The following STRN variants were observed in gnomAD, a reference collection of about 807,000 sequenced individuals.
STRN encodes the protein protein phosphatase 2 regulatory subunit B'''alpha.
A neutral mutation model predicts 96.3 loss-of-function variants in STRN; 53 were observed. The ratio of observed to expected loss-of-function variants is 0.55; its 90% CI spans 0.44 to 0.69. The LOEUF is 0.69. Ranked by LOEUF, STRN falls within the 30% of genes least tolerant of loss-of-function variation. The pLI is 0.00. For missense variants in STRN, 987 were observed against 963.9 expected, an observed-to-expected ratio of 1.02 and a Z score of -0.32; for synonymous variants, 428 against 355.9, an observed-to-expected ratio of 1.20 and a Z score of -2.28.
At chr2:36,871,685 T>C (rs953213395) in intron 10 of STRN, among the ~76,000 whole-genome samples, 23 of 152,236 alleles carry the variant, frequency 1.5e-4, no homozygotes, top group African/African-American at 5.3e-4. Flanking sequence ...GAAAATACTT[T>C]ATATGCATTA....
At chr2:36,860,008 A>G (rs1303959227) in intron 13 of STRN, among the ~76,000 whole-genome samples, 1 of 152,186 alleles carries the variant, frequency 6.6e-6, no homozygotes, top group Non-Finnish European at 1.5e-5. Flanking sequence ...ACAGATGATG[A>G]GGAAAAGAGA....
intron 8 of STRN, among the ~76,000 whole-genome samples, chr2:36,884,777 G>C (rs1354148750): frequency 6.6e-6 from 1 of 151,702 alleles, no homozygotes; most frequent in African/African-American, 2.4e-5. Context: ...ATCTCTACTA[G>C]ACCACATTGA....
Position 36,877,814 on chromosome 2 carries a change from C to A in STRN, c.1323+77G>T. ...GCCTCCCAAAGTGCTGGATTACAGGCGTGAGCCACCGCACCCAGCCCAAGT... is the reference window on the plus strand; with the variant it reads ...GCCTCCCAAAGTGCTGGATTACAGGAGTGAGCCACCGCACCCAGCCCAAGT... On this transcript the variant is annotated intron_variant, in intron 10 of 17. Coordinates refer to ENST00000263918, the MANE Select transcript of STRN (RefSeq NM_003162.4). The A allele has an allele frequency of 1.3e-5, 20 of 1,541,062 alleles. 1 individual carries two copies. The South Asian group carries it at 2.3e-4, about 18-fold the overall frequency.
Position 36,915,937 on chromosome 2 carries a change from A to G in STRN, c.412+141T>C, listed in dbSNP as rs1194428279. On this transcript the variant is annotated intron_variant, in intron 3 of 17. Transcript: ENST00000263918. ...TGGAAAATGATCTAAATGACACTAA[A>G]TGGTGCCAAAAGACAAGCAGGTCAG... is the stretch of plus-strand genomic sequence containing the variant. 1.0e-5 allele frequency: 7 copies of G among 692,294 alleles called. No individual in the cohort carries two copies. The East Asian group carries it at 1.6e-4, about 16-fold the overall frequency. The allele number at this position is 692,294 out of a possible 1,614,324, so 42.9% of individuals were successfully genotyped here.
chr2:36,846,187 A>T lies in STRN; in HGVS notation c.*3269T>A, dbSNP rs1162792989. 1 of 150,986 alleles carries T rather than the reference A, an allele frequency of 6.6e-6. No homozygotes were observed. The highest frequency in any genetic ancestry group is 1.5e-5 in the Non-Finnish European group (1 of 67,792). The allele number at this position is 150,986 out of a possible 1,614,324, so 9.4% of individuals were successfully genotyped here. A position where few individuals can be genotyped will look rare whatever the true frequency, so the allele number is the denominator to read the frequency against. ...AATAGCCAGGTTTTCTTACATTCAG[A>T]TTTTAATACACTAGAATGACAGTCT... On this transcript the variant is annotated 3_prime_UTR_variant, in exon 18 of 18. Transcript: ENST00000263918.
At chr2:36,923,988 C>A (rs1422972825) in intron 2 of STRN, among the ~76,000 whole-genome samples, 1 of 152,044 alleles carries the variant, frequency 6.6e-6, no homozygotes, top group African/African-American at 2.4e-5. Flanking sequence ...ATCTTAGACA[C>A]TAGCAAAATA....
chr2:36,849,429 G>T lies in STRN; in HGVS notation c.*27C>A, dbSNP rs1668163916. On this transcript the variant is annotated 3_prime_UTR_variant, in exon 18 of 18. Coordinates refer to ENST00000263918, the MANE Select transcript of STRN (RefSeq NM_003162.4). ...GTGTGCAGTTGATTACTTATAAACA[G>T]CTAGAAGGTGAAGATGATGCATTGC... The T allele has an allele frequency of 6.2e-7, 1 of 1,612,032 alleles. No homozygotes were observed. Among genetic ancestry groups the T allele is most frequent in the Admixed American group, 1.7e-5 (1 of 59,748 alleles).
At position 36,939,316 on chromosome 2, in the gene STRN, T is replaced by C. The variant is rs566824999; in HGVS notation, c.235-14108A>G. ...AGCCACTCAGGGATCTCCCGTTGCTTTTACAGACCAATTACCTGATACATC... is the reference window on the plus strand; with the variant it reads ...AGCCACTCAGGGATCTCCCGTTGCTCTTACAGACCAATTACCTGATACATC... On this transcript the variant is annotated intron_variant, in intron 1 of 17. Transcript: ENST00000263918. Among the ~76,000 whole-genome samples the C allele has an allele frequency of 4.6e-5, 7 of 152,228 alleles. No homozygotes were observed. In the South Asian group the frequency reaches 1.4e-3, roughly 32 times the overall value.
In STRN at chr2:36,884,015, G is replaced by A. The variant is rs1369105878; in HGVS notation, c.1103C>T (p.Pro368Leu). Residue 368 changes from proline (P) to leucine (L), a missense_variant, in exon 9 of 18, where the codon CCT (proline) becomes CTT (leucine). Pro to Leu is a moderately conservative substitution (Grantham distance 98). Transcript: ENST00000263918. ...LANLRDVDELPSLQPSVGSPS... is the reference protein window; with the variant it reads ...LANLRDVDELLSLQPSVGSPS... ...TGAACCCACAGATGGCTGCAATGAA[G>A]GAAGTTCATCAACATCTCTCAAATT... 6.9e-7 allele frequency: 1 copy of A among 1,444,500 alleles called. No homozygotes were observed. 89.5% of individuals were successfully genotyped at this position (1,444,500 alleles called of 1,614,324 possible). A position where few individuals can be genotyped will look rare whatever the true frequency, so the allele number is the denominator to read the frequency against.
At chr2:36,889,946 A>G (rs1669344457) in intron 7 of STRN, among the ~76,000 whole-genome samples, 1 of 152,254 alleles carries the variant, frequency 6.6e-6, no homozygotes, top group Non-Finnish European at 1.5e-5. Flanking sequence ...TGTATCATAT[A>G]ATACACTGAG....
At chr2:36,902,360 A>G (rs1254211180) in intron 5 of STRN, among the ~76,000 whole-genome samples, 1 of 152,162 alleles carries the variant, frequency 6.6e-6, no homozygotes, top group Non-Finnish European at 1.5e-5. Context: ...AAAATCTATT[A>G]AATATCTGTA....
intron 1 of STRN, among the ~76,000 whole-genome samples, chr2:36,930,832 TA>T (rs1670555158): frequency 6.6e-6 from 1 of 151,838 alleles, no homozygotes; most frequent in Admixed American, 6.6e-5. Context: ...CAGGAGTTCT[TA>T]ACCAGCCTGG....
At chr2:36,853,156 CA>C (rs36041377) in intron 15 of STRN, among the ~76,000 whole-genome samples, 1 of 150,414 alleles carries the variant, frequency 6.6e-6, no homozygotes, top group Admixed American at 6.6e-5. Flanking sequence ...GACTCTGTCT[CA>C]AAAAAAAATA....
chr2:36,883,661 T>G (rs1669137122), intron 9 of STRN, among the ~76,000 whole-genome samples: 1 of 152,208 alleles, frequency 6.6e-6, no homozygotes, highest in African/African-American at 2.4e-5. Flanking sequence ...TGGAATGGTA[T>G]ATATAGGGCC....
intron 8 of STRN, among the ~76,000 whole-genome samples, chr2:36,886,351 G>C (rs1352819453): frequency 6.6e-6 from 1 of 151,778 alleles, no homozygotes; most frequent in South Asian, 2.1e-4. Context: ...ATTGCCAGAG[G>C]GTCACACTAA....
chr2:36,909,446 A>G (rs1669910035), intron 3 of STRN, among the ~76,000 whole-genome samples: 1 of 152,202 alleles, frequency 6.6e-6, no homozygotes, highest in African/African-American at 2.4e-5. Flanking sequence ...TGAACCAACT[A>G]TAAAACAAAA....
intron 5 of STRN, among the ~76,000 whole-genome samples, chr2:36,900,905 T>C (rs1340715334): frequency 6.7e-6 from 1 of 148,214 alleles, no homozygotes; most frequent in Admixed American, 6.8e-5. Context: ...AATAAATAAA[T>C]AAATAAATAA....
chr2:36,910,458 T>C (rs1669937609), intron 3 of STRN, among the ~76,000 whole-genome samples: 1 of 152,048 alleles, frequency 6.6e-6, no homozygotes, highest in Non-Finnish European at 1.5e-5. Flanking sequence ...GCACAAAGAC[T>C]GGGAAGAGGA....
At chr2:36,906,937 A>C (rs947976874) in intron 3 of STRN, among the ~76,000 whole-genome samples, 4 of 120,206 alleles carry the variant, frequency 3.3e-5, no homozygotes, top group Non-Finnish European at 7.4e-5. Context: ...AAACAAAAAA[A>C]ACAAAAAAAA....
Sources: gnomAD v4.1 joint callset for allele counts (sites outside exome capture counted in the v4.1 genomes callset) on GRCh38, gnomAD v4.1.1 for gene constraint, MANE v1.5 for transcripts, NCBI Gene and HGNC (gene_info 2026-07-23, HGNC 2026-07-21) for gene names.